The following UBA3 variants were observed in gnomAD, a reference collection of about 807,000 sequenced individuals.
UBA3 encodes the protein NEDD8-activating enzyme E1 catalytic subunit.
UBA3 carries 26 observed loss-of-function variants against 73.5 expected under a neutral mutation model. The observed-to-expected ratio is 0.35, with a 90% CI of 0.26 to 0.49. The LOEUF is 0.49. Among genes scored for constraint, UBA3 ranks in the 20% least tolerant of loss-of-function variants. The probability of loss-of-function intolerance (pLI) is 0.98; values close to 1 mark genes in which losing one functional copy is unlikely to be tolerated. For synonymous variants in UBA3, 217 were observed against 191.2 expected, an observed-to-expected ratio of 1.13 and a Z score of -1.11; for missense variants, 495 against 555.6, an observed-to-expected ratio of 0.89 and a Z score of 1.10.
At chr3:69,060,701 T>A (rs1436043265) in intron 11 of UBA3, among the ~76,000 whole-genome samples, 2 of 152,138 alleles carry the variant, frequency 1.3e-5, no homozygotes, top group Non-Finnish European at 2.9e-5. Flanking sequence ...TGAAATGTGA[T>A]CCCCAGTGTT....
intron 5 of UBA3, 43 bp from the exon 6 acceptor site, chr3:69,068,051 A>G (rs1477777321): frequency 1.6e-6 from 2 of 1,254,668 alleles, no homozygotes; most frequent in South Asian, 3.0e-5. Flanking sequence ...TTATAAATCT[A>G]TATGATCTAC....
chr3:69,056,558 A>C, intron 14 of UBA3, 54 bp downstream of exon 14: 1 of 1,449,786 alleles, frequency 6.9e-7, no homozygotes, highest in Non-Finnish European at 9.5e-7. Flanking sequence ...CTAACCAATA[A>C]TATTTAAAAA....
Position 69,077,949 on chromosome 3 carries a change from A to G in UBA3, c.63-31T>C, listed in dbSNP as rs760893290. 3.1e-6 allele frequency: 5 copies of G among 1,608,964 alleles called. No individual in the cohort carries two copies. The South Asian group carries it at 5.5e-5, about 18-fold the overall frequency. ...CAGAACACAGTAAATTCAGCTGCAA[A>G]GATCAGTATGAAAAAAACCACACCT... is the stretch of plus-strand genomic sequence containing the variant. On this transcript the variant is annotated intron_variant, in intron 2 of 17. Transcript: ENST00000361055.
In UBA3 at chr3:69,071,599, G is replaced by T; in HGVS notation, c.283C>A (p.Gln95Lys). 1 of 1,556,896 alleles carries T rather than the reference G, an allele frequency of 6.4e-7. No individual in the cohort carries two copies. The highest frequency in any genetic ancestry group is 8.6e-7 in the Non-Finnish European group (1 of 1,161,782). Reference protein sequence around the residue: ...LKNLALSGFRQIHVIDMDTID... With the variant: ...LKNLALSGFRKIHVIDMDTID... ...GTGTCCATATCTATAACATGAATCT[G>T]TCTAAAACCAGACAAGGCCTGTGGG... The change falls in exon 5 of 18, where the codon CAG (glutamine) becomes AAG (lysine). Residue 95 changes from glutamine (Q) to lysine (K), a missense_variant. By Grantham distance (53) the Gln-to-Lys change is moderately conservative. Transcript: ENST00000361055.
chr3:69,078,359 T>C (rs1575850780), intron 2 of UBA3, among the ~76,000 whole-genome samples: 1 of 152,262 alleles, frequency 6.6e-6, no homozygotes, highest in African/African-American at 2.4e-5. Context: ...TTCTGATGCT[T>C]ATATGTCTGA....
At chr3:69,055,577 G>C (rs1239868439) in intron 17 of UBA3, 52 bp from the exon 18 acceptor site, 28 of 1,360,104 alleles carry the variant, frequency 2.1e-5, no homozygotes, top group Non-Finnish European at 2.8e-5. Flanking sequence ...CAACAGAAAG[G>C]ATAATACACA....
In UBA3 at chr3:69,062,179, C is replaced by T. The variant is rs763650913; in HGVS notation, c.694G>A (p.Val232Ile). 6.3e-7 allele frequency: 1 copy of T among 1,592,932 alleles called. No homozygotes were observed. Among genetic ancestry groups the T allele is most frequent in the South Asian group, 1.1e-5 (1 of 89,982 alleles). Residue 232 changes from valine to isoleucine, a missense_variant and splice_region_variant, in exon 10 of 18, where the codon GTT becomes ATT. Transcript: ENST00000361055. ...ECTLELYPPQVNFPMCTIASM... is the reference protein window; with the variant it reads ...ECTLELYPPQINFPMCTIASM... ...GCAATGGTGCACATGGGAAAATTAA[C>T]CTAAAACCACAGTTTGTCCTTTTCA...
At chr3:69,065,872 ATGTGAAAC>A (rs2092066464) in intron 6 of UBA3, among the ~76,000 whole-genome samples, 1 of 151,460 alleles carries the variant, frequency 6.6e-6, no homozygotes, top group Non-Finnish European at 1.5e-5. Context: ...TCTTAGTTTG[ATGTGAAAC>A]ATCTTTTCAT....
In UBA3 at chr3:69,075,203, G is replaced by T. The variant is rs1203177962; in HGVS notation, c.264+227C>A. ...TTAAAGATCAGAGAAGAAAACTGAA[G>T]TATGAAATTTTATCAATAACTTTAT... On this transcript the variant is annotated intron_variant, in intron 4 of 17. Transcript: ENST00000361055. The T allele has an allele frequency of 1.5e-5, 3 of 195,508 alleles. No homozygotes were observed. In the East Asian group the frequency reaches 3.5e-4, roughly 23 times the overall value. The allele number at this position is 195,508 out of a possible 1,614,324, so 12.1% of individuals were successfully genotyped here. A position where few individuals can be genotyped will look rare whatever the true frequency, so the allele number is the denominator to read the frequency against.
At chr3:69,061,078 T>G (rs944594415) in intron 11 of UBA3, among the ~76,000 whole-genome samples, 14 of 152,250 alleles carry the variant, frequency 9.2e-5, no homozygotes, top group Non-Finnish European at 1.2e-4. Context: ...TAGGGAGGTT[T>G]ATGGCACTGA....
intron 11 of UBA3, among the ~76,000 whole-genome samples, chr3:69,060,351 T>C (rs757199704): frequency 9.3e-5 from 14 of 150,800 alleles, no homozygotes; most frequent in African/African-American, 3.2e-4. Flanking sequence ...GGCTTAGCAA[T>C]TGCATATGTG....
chr3:69,076,107 G>T (rs1470941226), intron 3 of UBA3, among the ~76,000 whole-genome samples: 4 of 152,102 alleles, frequency 2.6e-5, no homozygotes, highest in Admixed American at 1.3e-4. Context: ...TCTCTAATTT[G>T]TTTTTTAATT....
intron 5 of UBA3, among the ~76,000 whole-genome samples, chr3:69,068,477 C>T (rs1377764877): frequency 6.6e-6 from 1 of 150,416 alleles, no homozygotes; most frequent in African/African-American, 2.5e-5. Flanking sequence ...AATTTTGTGT[C>T]CCCTAAGAAG....
Position 69,068,014 on chromosome 3 carries a change from G to A in UBA3, c.348-6C>T. The A allele has an allele frequency of 6.5e-7, 1 of 1,535,270 alleles. No individual in the cohort carries two copies. Among genetic ancestry groups the A allele is most frequent in the Non-Finnish European group, 8.8e-7 (1 of 1,136,698 alleles). On this transcript the variant is annotated splice_polypyrimidine_tract_variant and splice_region_variant and intron_variant, in intron 5 of 17. Coordinates refer to ENST00000361055, the MANE Select transcript of UBA3 (RefSeq NM_003968.4). ...GTCTTCCAATATCTTTAGGCCTACA[G>A]GAAAAATATTTAAATTATAATTCAT...
intron 6 of UBA3, among the ~76,000 whole-genome samples, chr3:69,065,603 C>T (rs1459473399): frequency 6.6e-6 from 1 of 152,110 alleles, no homozygotes; most frequent in Admixed American, 6.5e-5. Context: ...CCACCATGCC[C>T]GGGTAATTTT....
intron 6 of UBA3, among the ~76,000 whole-genome samples, chr3:69,067,141 G>A (rs1057106990): frequency 6.6e-6 from 1 of 152,140 alleles, no homozygotes; most frequent in Non-Finnish European, 1.5e-5. Flanking sequence ...TGGTATATAT[G>A]TATACAAATT....
intron 5 of UBA3, among the ~76,000 whole-genome samples, chr3:69,070,568 C>T (rs770931811): frequency 2.0e-5 from 3 of 152,152 alleles, no homozygotes; most frequent in Non-Finnish European, 2.9e-5. Flanking sequence ...ACTACTCAAA[C>T]CCCTCAATAT....
At chr3:69,068,031 A>G (rs771094847) in intron 5 of UBA3, 23 bp from the exon 6 acceptor site, 2 of 1,410,536 alleles carry the variant, frequency 1.4e-6, no homozygotes, top group East Asian at 4.9e-5. Context: ...TATTTAAATT[A>G]TAATTCATAT....
chr3:69,067,928 G>C lies in UBA3; in HGVS notation c.428C>G (p.Pro143Arg). The change falls in exon 6 of 18, where the codon CCA becomes CGA. Residue 143 changes from proline to arginine, a missense_variant and splice_region_variant. Coordinates refer to ENST00000361055, the MANE Select transcript of UBA3 (RefSeq NM_003968.4). ...AATTTTCTTTTTGTCAAAAGGATAC[G>C]GAACTACATTGCAATTAGGAACTCT... is the stretch of plus-strand genomic sequence containing the variant. ...NDRVPNCNVV[P>R]HFNKIQDFND... 6.3e-7 allele frequency: 1 copy of C among 1,598,110 alleles called. No homozygotes were observed. Among genetic ancestry groups the C allele is most frequent in the South Asian group, 1.1e-5 (1 of 88,792 alleles).
Sources: gnomAD v4.1 joint callset for allele counts (sites outside exome capture counted in the v4.1 genomes callset) on GRCh38, gnomAD v4.1.1 for gene constraint, MANE v1.5 for transcripts, NCBI Gene and HGNC (gene_info 2026-07-23, HGNC 2026-07-21) for gene names.